DOCK1: variants seen among roughly 807,000 people sequenced by gnomAD.
DOCK1 encodes dedicator of cytokinesis protein 1.
A neutral mutation model predicts 262.7 loss-of-function variants in DOCK1; 138 were observed. The ratio of observed to expected loss-of-function variants is 0.53; its 90% CI spans 0.46 to 0.61. DOCK1 has a LOEUF of 0.61. DOCK1 is among the 20% of genes least tolerant of loss of function. DOCK1 has a pLI of 0.00. For missense variants in DOCK1, 1,908 were observed against 2,370.7 expected, an observed-to-expected ratio of 0.80 and a Z score of 4.05; for synonymous variants, 866 against 867.4, an observed-to-expected ratio of 1.00 and a Z score of 0.03.
rs1045966286 is a variant in DOCK1, at chr10:126,967,795, G to A, written c.47-2907G>A. 2.5e-4 allele frequency among the ~76,000 whole-genome samples: 38 copies of A among 152,026 alleles called. 1 individual carries two copies. Among genetic ancestry groups the A allele is most frequent in the Non-Finnish European group, 2.9e-4 (20 of 68,000 alleles). ...CCACCTGGATTGATCCAGGATTAACGCTCATCTCAAGATCCTAATTTTTTC... is the reference window on the plus strand; with the variant it reads ...CCACCTGGATTGATCCAGGATTAACACTCATCTCAAGATCCTAATTTTTTC... On this transcript the variant is annotated intron_variant, in intron 1 of 51. Coordinates refer to ENST00000623213, the MANE Select transcript of DOCK1 (RefSeq NM_001290223.2).
intron 5 of DOCK1, among the ~76,000 whole-genome samples, chr10:126,988,878 G>A (rs1175933433): frequency 2.0e-5 from 3 of 152,102 alleles, no homozygotes; most frequent in Non-Finnish European, 2.9e-5. Flanking sequence ...TTTGAGACCA[G>A]CCCGGCCAAC....
chr10:127,237,445 G>A (rs1266560778), intron 27 of DOCK1, among the ~76,000 whole-genome samples: 1 of 151,770 alleles, frequency 6.6e-6, no homozygotes, highest in Non-Finnish European at 1.5e-5. Flanking sequence ...TGGCAGGGAA[G>A]CAAGATATTT....
chr10:127,259,104 A>G (rs1014660219), intron 29 of DOCK1, among the ~76,000 whole-genome samples: 2 of 152,202 alleles, frequency 1.3e-5, no homozygotes, highest in African/African-American at 4.8e-5. Context: ...CCTTCCACAC[A>G]TCAAAGATGG....
At chr10:127,171,612 G>C (rs988747495) in intron 27 of DOCK1, among the ~76,000 whole-genome samples, 10 of 152,298 alleles carry the variant, frequency 6.6e-5, no homozygotes, top group African/African-American at 2.2e-4. Context: ...GGTGGCAAGT[G>C]GGGAGAGGAA....
intron 8 of DOCK1, among the ~76,000 whole-genome samples, chr10:126,999,099 C>G (rs558421858): frequency 6.6e-6 from 1 of 151,510 alleles, no homozygotes; most frequent in African/African-American, 2.4e-5. Context: ...AAAAAAAAAA[C>G]CAACTTAGAA....
intron 1 of DOCK1, among the ~76,000 whole-genome samples, chr10:126,915,509 C>G (rs1480966243): frequency 6.6e-6 from 1 of 152,152 alleles, no homozygotes; most frequent in African/African-American, 2.4e-5. Context: ...ACCTCCGCCT[C>G]CTGGATTCAA....
At chr10:127,204,895 C>T (rs972647739) in intron 27 of DOCK1, among the ~76,000 whole-genome samples, 4 of 152,106 alleles carry the variant, frequency 2.6e-5, no homozygotes, top group Non-Finnish European at 5.9e-5. Context: ...TCCTATGACC[C>T]GCCTCCAGAT....
rs1050324497 is a variant in DOCK1 at position 126,945,705 on chromosome 10, C to T, written c.47-24997C>T. ...GCTGTGCATCTGGTTTTGCTGCCAC[C>T]GGCCTCTTTTTCCAGTCCCAAGAAA... On this transcript the variant is annotated intron_variant, in intron 1 of 51. Transcript: ENST00000623213. Among the ~76,000 whole-genome samples the T allele has an allele frequency of 5.3e-4, 80 of 152,274 alleles. 1 individual carries two copies. In the South Asian group the frequency reaches 0.012, roughly 24 times the overall value.
chr10:126,984,286 G>A (rs141127789), intron 4 of DOCK1, among the ~76,000 whole-genome samples: 4 of 152,180 alleles, frequency 2.6e-5, no homozygotes, highest in Non-Finnish European at 5.9e-5. Context: ...TGTTGGGTGA[G>A]CATCTGCTAT....
At chr10:127,165,967 G>A (rs1245659254) in intron 27 of DOCK1, among the ~76,000 whole-genome samples, 2 of 152,244 alleles carry the variant, frequency 1.3e-5, no homozygotes, top group Non-Finnish European at 2.9e-5. Context: ...CCAGGCCTGG[G>A]AGGGTAGGAG....
chr10:126,918,859 G>A (rs2032824186), intron 1 of DOCK1, among the ~76,000 whole-genome samples: 1 of 147,690 alleles, frequency 6.8e-6, no homozygotes, highest in African/African-American at 2.5e-5. Flanking sequence ...AAACCCCAAC[G>A]ACTTGGTCTG....
chr10:127,449,160 G>A (rs1048085290), intron 51 of DOCK1, among the ~76,000 whole-genome samples: 8 of 152,156 alleles, frequency 5.3e-5, no homozygotes, highest in Non-Finnish European at 1.0e-4. Flanking sequence ...ATGGTTTGTT[G>A]CACCACAGAA....
At chr10:127,190,551 T>C (rs963643390) in intron 27 of DOCK1, among the ~76,000 whole-genome samples, 1 of 112,478 alleles carries the variant, frequency 8.9e-6, no homozygotes, top group South Asian at 3.0e-4. Context: ...TTCCTCCTAT[T>C]TCAAAGTATT....
chr10:127,103,525 T>G (rs1056674865), intron 23 of DOCK1, among the ~76,000 whole-genome samples: 3 of 152,200 alleles, frequency 2.0e-5, no homozygotes, highest in African/African-American at 7.2e-5. Context: ...TTCAAACCAG[T>G]TGGCAGCAGC....
At chr10:127,366,827 C>A (rs1418958671) in intron 33 of DOCK1, among the ~76,000 whole-genome samples, 1 of 152,186 alleles carries the variant, frequency 6.6e-6, no homozygotes, top group Non-Finnish European at 1.5e-5. Flanking sequence ...TTATTAGTCA[C>A]GTCAGCAGGG....
intron 21 of DOCK1, among the ~76,000 whole-genome samples, chr10:127,045,200 TAAAAAAAAAA>T (rs71032534): frequency 1.6e-4 from 13 of 82,086 alleles, no homozygotes; most frequent in African/African-American, 1.9e-4. Context: ...TCTGTCTCAA[TAAAAAAAAAA>T]AAAAAAAAAA....
intron 6 of DOCK1, among the ~76,000 whole-genome samples, chr10:126,993,204 G>A (rs144181935): frequency 1.3e-5 from 2 of 152,368 alleles, no homozygotes; most frequent in Non-Finnish European, 2.9e-5. Context: ...CTGGCACAGG[G>A]CCGTCCTCTC....
intron 1 of DOCK1, among the ~76,000 whole-genome samples, chr10:126,968,754 C>T (rs1023639723): frequency 5.9e-5 from 9 of 152,152 alleles, no homozygotes; most frequent in Non-Finnish European, 1.0e-4. Flanking sequence ...TTTACGAATA[C>T]GGTCATGCTG....
intron 1 of DOCK1, among the ~76,000 whole-genome samples, chr10:126,943,875 C>T (rs1274856668): frequency 3.9e-5 from 6 of 152,166 alleles, no homozygotes; most frequent in Non-Finnish European, 8.8e-5. Context: ...CTGGGTGAGT[C>T]GAGGCGAGGC....
Sources: gnomAD v4.1 joint callset for allele counts (sites outside exome capture counted in the v4.1 genomes callset) on GRCh38, gnomAD v4.1.1 for gene constraint, MANE v1.5 for transcripts, NCBI Gene and HGNC (gene_info 2026-07-23, HGNC 2026-07-21) for gene names.